Variants in SHISA9 observed in about 807,000 individuals in gnomAD.
The protein encoded by SHISA9 is shisa family member 9.
In SHISA9, 13 loss-of-function variants were observed where a neutral mutation model predicts 38.0. The observed-to-expected ratio is 0.34, with a 90% CI of 0.22 to 0.54. The LOEUF (loss-of-function observed/expected upper bound fraction) is 0.54. Ranked by LOEUF, SHISA9 falls within the 20% of genes least tolerant of loss-of-function variation. SHISA9 has a pLI of 0.91. For synonymous variants in SHISA9, 275 were observed against 242.0 expected (o/e 1.14, Z -1.27); for missense variants, 538 against 575.8 (o/e 0.93, Z 0.67).
At chr16:13,407,962 T>A in the SHISA9 span, among the ~76,000 whole-genome samples, 1 of 152,146 alleles carries the variant, frequency 6.6e-6, no homozygotes, top group East Asian at 1.9e-4. Flanking sequence ...TAGAGATAGA[T>A]GTCTTATTAT....
At chr16:13,318,106 C>G in the SHISA9 span, among the ~76,000 whole-genome samples, 2 of 151,404 alleles carry the variant, frequency 1.3e-5, no homozygotes, top group Non-Finnish European at 2.9e-5. Context: ...GAATTTATGA[C>G]TTAATAGGTC....
chr16:13,332,491 C>G, the SHISA9 span: 1 of 152,192 alleles, frequency 6.6e-6, no homozygotes, highest in South Asian at 2.1e-4. Flanking sequence ...CTCAATAACT[C>G]TAATTGGCTA....
At chr16:13,036,482 T>C (rs192538982) in intron 2 of SHISA9, among the ~76,000 whole-genome samples, 5 of 152,230 alleles carry the variant, frequency 3.3e-5, no homozygotes, top group Admixed American at 3.3e-4. Context: ...TGGGGGGTTA[T>C]TAAGGTGGGT....
At chr16:13,004,029 G>T (rs774984192) in intron 2 of SHISA9, among the ~76,000 whole-genome samples, 3 of 152,194 alleles carry the variant, frequency 2.0e-5, no homozygotes, top group Admixed American at 6.5e-5. Flanking sequence ...GAACCAATGT[G>T]TTGGGTTCAT....
chr16:12,994,428 A>C (rs2072431056), intron 2 of SHISA9, among the ~76,000 whole-genome samples: 1 of 152,192 alleles, frequency 6.6e-6, no homozygotes, highest in East Asian at 1.9e-4. Context: ...GGTGATTGTA[A>C]TATGAGCAGA....
At chr16:13,445,547 G>A in the SHISA9 span, among the ~76,000 whole-genome samples, 2 of 152,152 alleles carry the variant, frequency 1.3e-5, no homozygotes, top group East Asian at 3.9e-4. Context: ...ATTCTTAGAG[G>A]TGAATTTGAA....
chr16:12,926,714 A>G (rs568596692), intron 2 of SHISA9, among the ~76,000 whole-genome samples: 3 of 152,348 alleles, frequency 2.0e-5, no homozygotes, highest in Admixed American at 1.3e-4. Flanking sequence ...GGGAAGAGAT[A>G]CTAGGATGGC....
chr16:13,163,819 T>C (rs1176248634), intron 2 of SHISA9, among the ~76,000 whole-genome samples: 1 of 152,132 alleles, frequency 6.6e-6, no homozygotes, highest in Admixed American at 6.6e-5. Context: ...CGGAGTTTGG[T>C]ATGTTAACCT....
intron 2 of SHISA9, among the ~76,000 whole-genome samples, chr16:13,187,085 C>G (rs422852): frequency 0.62 from 94,497 of 152,006 alleles, 31,266 homozygotes; most frequent in African/African-American, 0.85. Context: ...TGGTTGACCT[C>G]TGTTTCACAT....
At chr16:13,004,951 A>AGAAAAAAG (rs2072578060) in intron 2 of SHISA9, among the ~76,000 whole-genome samples, 1 of 82,180 alleles carries the variant, frequency 1.2e-5, no homozygotes, top group Non-Finnish European at 2.4e-5. Context: ...AAGAAAAAAA[A>AGAAAAAAG]AAAAAAAGAA....
the SHISA9 span, among the ~76,000 whole-genome samples, chr16:13,452,092 G>A: frequency 6.6e-6 from 1 of 152,150 alleles, no homozygotes; most frequent in African/African-American, 2.4e-5. Flanking sequence ...CTGCAGCTCG[G>A]TGACAGCCTT....
intron 2 of SHISA9, among the ~76,000 whole-genome samples, chr16:13,019,931 CTTTCTTTCTTTCTTTCTTTCTTTCTTT>C (rs2072823530): frequency 1.1e-5 from 1 of 94,980 alleles, no homozygotes; most frequent in Non-Finnish European, 2.2e-5. Context: ...TTCTTTCTTT[CTTTCTTTCTTTCTTTCTTTCTTTCTTT>C]CCCTCCTTCT....
intron 1 of SHISA9, chr16:12,910,912 G>T (rs1432228118): frequency 9.4e-6 from 2 of 212,470 alleles, no homozygotes; most frequent in African/African-American, 4.7e-5. Context: ...TCAGATGATT[G>T]GTTGAGGCTC....
chr16:13,512,070 C>T, the SHISA9 span, among the ~76,000 whole-genome samples: 1 of 152,130 alleles, frequency 6.6e-6, no homozygotes, highest in Non-Finnish European at 1.5e-5. Flanking sequence ...TTAAGGCCTG[C>T]TCTGGTCTCC....
At chr16:13,529,204 C>G in the SHISA9 span, among the ~76,000 whole-genome samples, 2 of 152,162 alleles carry the variant, frequency 1.3e-5, no homozygotes, top group Non-Finnish European at 2.9e-5. Flanking sequence ...CAATGGATAT[C>G]AAATTATAAA....
At chr16:13,308,247 G>T in the SHISA9 span, among the ~76,000 whole-genome samples, 35 of 148,784 alleles carry the variant, frequency 2.4e-4, no homozygotes, top group Non-Finnish European at 4.3e-4. Flanking sequence ...AGTAATCTTT[G>T]TTCCAGGCTC....
chr16:13,460,464 T>A, the SHISA9 span, among the ~76,000 whole-genome samples: 1 of 152,208 alleles, frequency 6.6e-6, no homozygotes, highest in Non-Finnish European at 1.5e-5. Flanking sequence ...AGAAGTTATG[T>A]GAGTTGACAA....
chr16:12,963,840 C>T (rs888935238), intron 2 of SHISA9, among the ~76,000 whole-genome samples: 2 of 152,198 alleles, frequency 1.3e-5, no homozygotes, highest in Admixed American at 1.3e-4. Flanking sequence ...AGCTTATGCT[C>T]ACCTCAGGCA....
intron 4 of SHISA9, among the ~76,000 whole-genome samples, chr16:13,230,604 T>C (rs2051322773): frequency 6.6e-6 from 1 of 151,970 alleles, no homozygotes; most frequent in Non-Finnish European, 1.5e-5. Context: ...GCCACCTTTG[T>C]TACGGGAAAG....
Sources: allele counts gnomAD v4.1 joint callset (sites outside exome capture counted in the v4.1 genomes callset), GRCh38; gene constraint gnomAD v4.1.1; transcripts MANE v1.5; gene names NCBI Gene and HGNC (gene_info 2026-07-23, HGNC 2026-07-21).